Variants in MYO3B observed in about 807,000 individuals in gnomAD.
MYO3B encodes myosin-IIIb.
In MYO3B, 156 loss-of-function variants were observed where a neutral mutation model predicts 174.6. The ratio of observed to expected loss-of-function variants is 0.89; its 90% CI spans 0.78 to 1.02. The LOEUF is 1.02. MYO3B is among the 50% of genes least tolerant of loss of function. The probability of loss-of-function intolerance (pLI) is 0.00; values close to 1 mark genes in which losing one functional copy is unlikely to be tolerated. For missense variants in MYO3B, 1,632 were observed against 1,639.4 expected, an observed-to-expected ratio of 1.00 and a Z score of 0.08; for synonymous variants, 563 against 569.1, an observed-to-expected ratio of 0.99 and a Z score of 0.15.
chr2:170,626,151 G>T (rs184687452), intron 32 of MYO3B, among the ~76,000 whole-genome samples: 1 of 152,206 alleles, frequency 6.6e-6, no homozygotes, highest in African/African-American at 2.4e-5. Context: ...GTTGACCGTG[G>T]GGTGTTGAAG....
chr2:170,540,692 A>G (rs1690041849), intron 30 of MYO3B, among the ~76,000 whole-genome samples: 1 of 152,144 alleles, frequency 6.6e-6, no homozygotes, highest in South Asian at 2.1e-4. Flanking sequence ...CAGCAACAAC[A>G]ACAACAACAA....
intron 9 of MYO3B, among the ~76,000 whole-genome samples, chr2:170,380,898 T>C (rs2094330317): frequency 6.6e-6 from 1 of 152,190 alleles, no homozygotes; most frequent in Non-Finnish European, 1.5e-5. Context: ...GCAGGATCAC[T>C]TGAAGCCAGA....
chr2:170,416,952 A>T (rs1469742064), intron 22 of MYO3B, among the ~76,000 whole-genome samples: 1 of 150,998 alleles, frequency 6.6e-6, no homozygotes, highest in Non-Finnish European at 1.5e-5. Flanking sequence ...CAGCCTCCCG[A>T]GTAGCTGGGT....
chr2:170,497,732 T>C (rs1686970933), intron 25 of MYO3B, among the ~76,000 whole-genome samples: 1 of 152,174 alleles, frequency 6.6e-6, no homozygotes, highest in South Asian at 2.1e-4. Context: ...TTCTCTTGTT[T>C]ATCTGTCTCT....
At chr2:170,405,910 A>G (rs969837975) in intron 21 of MYO3B, among the ~76,000 whole-genome samples, 10 of 152,302 alleles carry the variant, frequency 6.6e-5, no homozygotes, top group Admixed American at 4.6e-4. Context: ...GAGAGAAAAC[A>G]CATTACAGCT....
intron 7 of MYO3B, among the ~76,000 whole-genome samples, chr2:170,266,690 A>AC (rs1232138159): frequency 1.3e-5 from 2 of 152,202 alleles, no homozygotes; most frequent in East Asian, 1.9e-4. Flanking sequence ...CTCTTAGTTC[A>AC]CGACAGATTC....
intron 32 of MYO3B, among the ~76,000 whole-genome samples, chr2:170,616,350 T>A (rs969186565): frequency 2.0e-5 from 3 of 152,124 alleles, no homozygotes; most frequent in African/African-American, 7.2e-5. Context: ...CTTTCTAGGA[T>A]AGGAATCTTG....
At chr2:170,527,028 T>C (rs1689047562) in intron 30 of MYO3B, among the ~76,000 whole-genome samples, 3 of 152,214 alleles carry the variant, frequency 2.0e-5, no homozygotes, top group Admixed American at 1.3e-4. Context: ...GTTCACGCTA[T>C]TCCATCTGAA....
chr2:170,369,151 T>C (rs1263326815), intron 8 of MYO3B, 71 bp from the exon 9 acceptor site: 5 of 1,360,952 alleles, frequency 3.7e-6, no homozygotes, highest in South Asian at 1.5e-5. Flanking sequence ...CTTCTCTCCA[T>C]CTCCCATATT....
chr2:170,596,404 C>T (rs934699086), intron 32 of MYO3B, among the ~76,000 whole-genome samples: 1 of 152,188 alleles, frequency 6.6e-6, no homozygotes, highest in Admixed American at 6.5e-5. Flanking sequence ...TTACCATTTC[C>T]AGCCCCTCTG....
chr2:170,350,748 A>G (rs192987948), intron 8 of MYO3B: 1 of 152,362 alleles, frequency 6.6e-6, no homozygotes, highest in East Asian at 1.9e-4. Context: ...TAATGTCTTA[A>G]TACATTAATA....
chr2:170,453,409 TACACACACAC>T (rs35558091), intron 23 of MYO3B, among the ~76,000 whole-genome samples: 184 of 131,286 alleles, frequency 1.4e-3, no homozygotes, highest in Middle Eastern at 3.9e-3. Context: ...GTTTACCATT[TACACACACAC>T]ACACACACAC....
chr2:170,611,043 A>G (rs143318537), intron 32 of MYO3B, among the ~76,000 whole-genome samples: 290 of 152,340 alleles, frequency 1.9e-3, no homozygotes, highest in Admixed American at 2.3e-3. Flanking sequence ...GAAGCAAGAT[A>G]AGCATGGCTG....
intron 32 of MYO3B, among the ~76,000 whole-genome samples, chr2:170,647,441 T>G (rs918304775): frequency 6.6e-6 from 1 of 152,234 alleles, no homozygotes; most frequent in Non-Finnish European, 1.5e-5. Flanking sequence ...ATTTATTAAA[T>G]AATGGTCTAC....
At chr2:170,219,075 A>T (rs1156275291) in intron 6 of MYO3B, among the ~76,000 whole-genome samples, 1 of 152,160 alleles carries the variant, frequency 6.6e-6, no homozygotes, top group African/African-American at 2.4e-5. Flanking sequence ...GTACTATTAT[A>T]TCATCTGGAA....
At chr2:170,589,780 T>C (rs576299535) in intron 32 of MYO3B, among the ~76,000 whole-genome samples, 3 of 152,334 alleles carry the variant, frequency 2.0e-5, no homozygotes, top group African/African-American at 7.2e-5. Context: ...GTAGTCTAAG[T>C]GTATAGTGTT....
At chr2:170,452,615 T>A (rs1403964254) in intron 23 of MYO3B, among the ~76,000 whole-genome samples, 1 of 152,184 alleles carries the variant, frequency 6.6e-6, no homozygotes, top group East Asian at 1.9e-4. Context: ...GGAAAGCCAA[T>A]ATTTTTGGCC....
intron 8 of MYO3B, among the ~76,000 whole-genome samples, chr2:170,367,555 A>G (rs1393407502): frequency 6.6e-6 from 1 of 152,128 alleles, no homozygotes; most frequent in African/African-American, 2.4e-5. Context: ...GTTTTTATAC[A>G]CTATTCCTAA....
chr2:170,299,397 C>T (rs1019641032), intron 7 of MYO3B, among the ~76,000 whole-genome samples: 3 of 152,194 alleles, frequency 2.0e-5, no homozygotes, highest in African/African-American at 7.2e-5. Context: ...ATCACAGTCA[C>T]CTTCACTGCT....
Sources: gnomAD v4.1 joint callset for allele counts (sites outside exome capture counted in the v4.1 genomes callset) on GRCh38, gnomAD v4.1.1 for gene constraint, MANE v1.5 for transcripts, NCBI Gene and HGNC (gene_info 2026-07-23, HGNC 2026-07-21) for gene names.